STPG2: variants seen among roughly 807,000 people sequenced by gnomAD.
The protein encoded by STPG2 is sperm-tail PG-rich repeat-containing protein 2.
In STPG2, 56 loss-of-function variants were observed where a neutral mutation model predicts 54.2. The observed-to-expected ratio is 1.03, with a 90% CI of 0.83 to 1.29. The LOEUF (loss-of-function observed/expected upper bound fraction) is 1.29, where lower values mean the gene tolerates loss of function less well. Ranked by LOEUF, STPG2 falls within the 50% of genes most tolerant of loss-of-function variation. The probability of loss-of-function intolerance (pLI) is 0.00; values close to 1 mark genes in which losing one functional copy is unlikely to be tolerated. For missense variants in STPG2, 596 were observed against 544.9 expected, an observed-to-expected ratio of 1.09 and a Z score of -0.93; for synonymous variants, 200 against 181.8, an observed-to-expected ratio of 1.10 and a Z score of -0.81.
chr4:97,695,766 A>G (rs911491625), intron 10 of STPG2, among the ~76,000 whole-genome samples: 4 of 151,904 alleles, frequency 2.6e-5, no homozygotes, highest in Non-Finnish European at 5.9e-5. Context: ...AAAAAAAAAA[A>G]GAAACTACTT....
At chr4:97,890,361 T>C (rs985524287) in intron 8 of STPG2, among the ~76,000 whole-genome samples, 1 of 152,056 alleles carries the variant, frequency 6.6e-6, no homozygotes, top group Non-Finnish European at 1.5e-5. Flanking sequence ...AAAAAATTTT[T>C]TTTAAATTAT....
chr4:98,015,170 C>T (rs892774720), intron 5 of STPG2, among the ~76,000 whole-genome samples: 1 of 152,058 alleles, frequency 6.6e-6, no homozygotes, highest in African/African-American at 2.4e-5. Context: ...GATTAAAACA[C>T]CAAAAGTAAT....
chr4:97,937,993 G>A (rs1303022201), intron 8 of STPG2, among the ~76,000 whole-genome samples: 5 of 152,202 alleles, frequency 3.3e-5, no homozygotes, highest in African/African-American at 4.8e-5. Flanking sequence ...GAAGGAAGAC[G>A]TAGTCTGCAG....
intron 3 of STPG2, among the ~76,000 whole-genome samples, chr4:98,127,188 G>T (rs750433086): frequency 1.8e-4 from 24 of 135,956 alleles, no homozygotes; most frequent in Non-Finnish European, 3.6e-4. Flanking sequence ...GGCAAACATC[G>T]TAATAACATA....
At chr4:98,120,793 C>T (rs938461649) in intron 3 of STPG2, among the ~76,000 whole-genome samples, 1 of 152,040 alleles carries the variant, frequency 6.6e-6, no homozygotes. Context: ...TCCCTATAGA[C>T]TTTGGATATT....
At chr4:97,579,245 C>T (rs1462745624) in intron 10 of STPG2, among the ~76,000 whole-genome samples, 1 of 151,958 alleles carries the variant, frequency 6.6e-6, no homozygotes, top group Non-Finnish European at 1.5e-5. Flanking sequence ...TTGAGATACA[C>T]AGGAGCTTTA....
At chr4:97,859,366 C>T (rs1222265544) in intron 8 of STPG2, among the ~76,000 whole-genome samples, 1 of 152,006 alleles carries the variant, frequency 6.6e-6, no homozygotes, top group African/African-American at 2.4e-5. Flanking sequence ...TGTACATTTA[C>T]TCTGCTGATT....
chr4:97,458,342 G>A (rs554844094), intron 4 of STPG2, among the ~76,000 whole-genome samples: 14 of 152,190 alleles, frequency 9.2e-5, no homozygotes, highest in African/African-American at 2.2e-4. Context: ...TTGTCATTTC[G>A]TTGAAATTAT....
intron 5 of STPG2, among the ~76,000 whole-genome samples, chr4:98,012,576 C>T (rs1735793201): frequency 6.6e-6 from 1 of 152,150 alleles, no homozygotes; most frequent in South Asian, 2.1e-4. Context: ...TTCTTCCTAT[C>T]CATGAGGATG....
intron 1 of STPG2, among the ~76,000 whole-genome samples, chr4:98,142,515 G>C (rs986212753): frequency 6.6e-5 from 10 of 151,958 alleles, no homozygotes; most frequent in Non-Finnish European, 1.2e-4. Context: ...TGGAGAAAAG[G>C]GGCTCCCCTG....
intron 8 of STPG2, among the ~76,000 whole-genome samples, chr4:97,932,073 G>A (rs1732568979): frequency 6.6e-6 from 1 of 152,042 alleles, no homozygotes. Flanking sequence ...TTATTTCTGT[G>A]GGATCTGTAG....
At chr4:97,679,751 T>C (rs949261435) in intron 10 of STPG2, among the ~76,000 whole-genome samples, 1 of 152,234 alleles carries the variant, frequency 6.6e-6, no homozygotes, top group African/African-American at 2.4e-5. Flanking sequence ...AGGGTTTTTA[T>C]GGTTTTAGGT....
At chr4:97,911,618 C>T (rs1465521687) in intron 8 of STPG2, among the ~76,000 whole-genome samples, 1 of 152,202 alleles carries the variant, frequency 6.6e-6, no homozygotes, top group Non-Finnish European at 1.5e-5. Context: ...CATCCCTCCT[C>T]ACCAGGCAAG....
chr4:97,898,562 G>C (rs999340861), intron 8 of STPG2, among the ~76,000 whole-genome samples: 3 of 151,374 alleles, frequency 2.0e-5, no homozygotes, highest in South Asian at 4.2e-4. Context: ...TCAATATCTC[G>C]AATGTTTCTA....
At chr4:97,878,487 C>T (rs1157732631) in intron 8 of STPG2, among the ~76,000 whole-genome samples, 1 of 152,180 alleles carries the variant, frequency 6.6e-6, no homozygotes, top group Admixed American at 6.5e-5. Context: ...TTTTGTGCAA[C>T]CCATAGGCTC....
chr4:97,567,944 T>C (rs964349223), intron 10 of STPG2, among the ~76,000 whole-genome samples: 3 of 152,164 alleles, frequency 2.0e-5, no homozygotes, highest in East Asian at 1.9e-4. Flanking sequence ...AGGAGCCCTA[T>C]TGAACCAGGT....
chr4:97,554,176 T>C (rs912668280), downstream of STPG2, among the ~76,000 whole-genome samples: 2 of 152,178 alleles, frequency 1.3e-5, no homozygotes, highest in Admixed American at 1.3e-4. Context: ...GAGCAACTTC[T>C]TCCTCCTCAA....
intron 10 of STPG2, among the ~76,000 whole-genome samples, chr4:97,665,433 G>A (rs1335010239): frequency 6.6e-6 from 1 of 152,142 alleles, no homozygotes; most frequent in Non-Finnish European, 1.5e-5. Context: ...TCAGCTCTCA[G>A]CAGAGAGGAG....
intron 10 of STPG2, among the ~76,000 whole-genome samples, chr4:97,612,254 A>G (rs984209016): frequency 1.7e-4 from 25 of 151,420 alleles, no homozygotes; most frequent in Admixed American, 2.0e-4. Flanking sequence ...AATGGCAAAA[A>G]AAAAAACAAA....
Sources: gnomAD v4.1 joint callset for allele counts (sites outside exome capture counted in the v4.1 genomes callset) on GRCh38, gnomAD v4.1.1 for gene constraint, MANE v1.5 for transcripts, NCBI Gene and HGNC (gene_info 2026-07-23, HGNC 2026-07-21) for gene names.